ABTB2: variants seen among roughly 807,000 people sequenced by gnomAD.
ABTB2 encodes ankyrin repeat and BTB/POZ domain-containing protein 2.
Under a neutral mutation model 104.1 loss-of-function variants are expected in ABTB2, and 56 were observed. That is an observed-to-expected ratio of 0.54 (90% CI 0.43 to 0.67). The LOEUF (loss-of-function observed/expected upper bound fraction) is 0.67. ABTB2 is among the 30% of genes least tolerant of loss of function. The pLI is 0.00. For synonymous variants in ABTB2, 606 were observed against 608.2 expected, an observed-to-expected ratio of 1.00 and a Z score of 0.05; for missense variants, 1,279 against 1,407.7, an observed-to-expected ratio of 0.91 and a Z score of 1.46.
intron 10 of ABTB2, among the ~76,000 whole-genome samples, chr11:34,161,832 GGTGT>G (rs1852725014): frequency 6.6e-6 from 1 of 152,192 alleles, no homozygotes; most frequent in Admixed American, 6.5e-5. Flanking sequence ...ACAGTAGTGT[GGTGT>G]GTTAGTATCC....
At chr11:34,244,824 A>C (rs1435500671) in intron 1 of ABTB2, among the ~76,000 whole-genome samples, 2 of 152,144 alleles carry the variant, frequency 1.3e-5, no homozygotes, top group Non-Finnish European at 2.9e-5. Context: ...CTTGGGTTAC[A>C]TGGCAAAACC....
In ABTB2 at chr11:34,152,336, GGGCCCTGGCACCTCCACA is replaced by G. The variant is rs777083770; in HGVS notation, c.*33_*50del. 5.9e-6 allele frequency: 9 copies of G among 1,519,552 alleles called. No homozygotes were observed. The highest frequency in any genetic ancestry group is 8.0e-6 in the Non-Finnish European group (9 of 1,129,420). The allele number at this position is 1,519,552 out of a possible 1,614,324, so 94.1% of individuals were successfully genotyped here. A position where few individuals can be genotyped will look rare whatever the true frequency, so the allele number is the denominator to read the frequency against. On this transcript the variant is annotated 3_prime_UTR_variant, in exon 17 of 17. Transcript: ENST00000435224. ...GCCTACAACCATACCCCGACATGGT[GGGCCCTGGCACCTCCACA>G]GGCCCTGGCCTCGGCAGCCTCCGCC...
chr11:34,196,782 G>C (rs7118794), intron 3 of ABTB2, among the ~76,000 whole-genome samples: 4,912 of 152,314 alleles, frequency 0.032, 95 homozygotes, highest in Middle Eastern at 0.082. Flanking sequence ...GGAGATCAGA[G>C]AGCTGCCAGG....
At position 34,152,394 on chromosome 11, in the gene ABTB2, C is replaced by T. The variant is rs1052295344; in HGVS notation, c.3071G>A (p.Arg1024Gln). The change falls in exon 17 of 17, where the codon CGG (arginine) becomes CAG (glutamine). Residue 1024 changes from arginine to glutamine, a missense_variant. Arg to Gln is a conservative substitution (Grantham distance 43). Transcript: ENST00000435224. ...ERVHSVYITS[R>Q]V ...CAGCCTCCGCCCCCTGCCTCACACC[C>T]GGGAGGTGATGTAGACAGAGTGCAC... 14 of 1,565,624 alleles carry T rather than the reference C, an allele frequency of 8.9e-6. No homozygotes were observed. The highest frequency in any genetic ancestry group is 2.3e-5 in the South Asian group (2 of 85,204).
chr11:34,277,258 T>C (rs572716770), intron 1 of ABTB2, among the ~76,000 whole-genome samples: 1 of 152,298 alleles, frequency 6.6e-6, no homozygotes, highest in South Asian at 2.1e-4. Context: ...CCAGTTAATC[T>C]AGGGTCTCAT....
chr11:34,213,813 T>C (rs1376292632), intron 1 of ABTB2, among the ~76,000 whole-genome samples: 1 of 152,080 alleles, frequency 6.6e-6, no homozygotes, highest in Non-Finnish European at 1.5e-5. Context: ...ACCAGTGCAA[T>C]AGTCACAACA....
chr11:34,331,892 A>C (rs1030844815), intron 1 of ABTB2, among the ~76,000 whole-genome samples: 4 of 152,254 alleles, frequency 2.6e-5, no homozygotes, highest in Admixed American at 6.5e-5. Context: ...GAGTGAGCAG[A>C]AGTTATCCTT....
intron 1 of ABTB2, among the ~76,000 whole-genome samples, chr11:34,267,433 A>C (rs77118652): frequency 0.11 from 16,967 of 152,046 alleles, 1,133 homozygotes; most frequent in Admixed American, 0.21. Context: ...CCCCCATCCC[A>C]CATTTCCATC....
rs1482847036 is a variant in ABTB2 at position 34,154,385 on chromosome 11, G to C, written c.2767-7C>G. 6.2e-7 allele frequency: 1 copy of C among 1,605,132 alleles called. No homozygotes were observed. Among genetic ancestry groups the C allele is most frequent in the African/African-American group, 1.3e-5 (1 of 74,886 alleles). On this transcript the variant is annotated splice_region_variant and splice_polypyrimidine_tract_variant and intron_variant, in intron 15 of 16. Transcript: ENST00000435224. This position sits in a 1 kb window ranked among gnomAD's most constrained non-coding sequence, Gnocchi z 4.9. ...GGCTGGCAGCTGACAGCAGCTGGTAGGGAGGCAGAGCAGGTCTTGGGGACC... is the reference window on the plus strand; with the variant it reads ...GGCTGGCAGCTGACAGCAGCTGGTACGGAGGCAGAGCAGGTCTTGGGGACC...
intron 1 of ABTB2, among the ~76,000 whole-genome samples, chr11:34,295,167 G>C (rs751345949): frequency 6.6e-5 from 10 of 150,616 alleles, no homozygotes; most frequent in Admixed American, 2.0e-4. Flanking sequence ...CTGGGCAACA[G>C]AGCAAGATCC....
intron 1 of ABTB2, among the ~76,000 whole-genome samples, chr11:34,246,581 A>T (rs1405265801): frequency 3.5e-5 from 5 of 143,108 alleles, no homozygotes; most frequent in African/African-American, 1.3e-4. Flanking sequence ...AGCCTGGGCA[A>T]TAAGAGTGAA....
chr11:34,250,741 T>C (rs753081650), intron 1 of ABTB2, among the ~76,000 whole-genome samples: 35 of 152,340 alleles, frequency 2.3e-4, no homozygotes, highest in Admixed American at 7.8e-4. Context: ...CCCAAACTTC[T>C]TTCTGCGGCT....
chr11:34,158,777 A>G (rs933320928), intron 14 of ABTB2, among the ~76,000 whole-genome samples: 10 of 152,242 alleles, frequency 6.6e-5, no homozygotes, highest in African/African-American at 2.4e-4. Context: ...ATCTACAGTC[A>G]GGATGTGTGC....
chr11:34,307,063 G>A (rs778969148), intron 1 of ABTB2, among the ~76,000 whole-genome samples: 18 of 151,860 alleles, frequency 1.2e-4, no homozygotes, highest in Non-Finnish European at 2.2e-4. Context: ...TGCGTGTAGG[G>A]TACACTTCCC....
chr11:34,179,349 G>T (rs1852996576), intron 3 of ABTB2, among the ~76,000 whole-genome samples: 1 of 152,170 alleles, frequency 6.6e-6, no homozygotes, highest in South Asian at 2.1e-4. Flanking sequence ...TGGACTCCTG[G>T]CAAGAGTCCC....
intron 1 of ABTB2, among the ~76,000 whole-genome samples, chr11:34,348,109 GCCTTGTTCTT>G (rs1399841742): frequency 1.6e-4 from 25 of 152,180 alleles, no homozygotes; most frequent in Admixed American, 6.5e-5. Context: ...GTTGATAGAA[GCCTTGTTCTT>G]CAACCCCTCA....
Position 34,206,813 on chromosome 11 carries a change from G to A in ABTB2, c.884-2123C>T, listed in dbSNP as rs574667838. Among the ~76,000 whole-genome samples, 7 of 152,216 alleles carry A rather than the reference G, an allele frequency of 4.6e-5. No individual in the cohort carries two copies. In the South Asian group the frequency reaches 8.3e-4, roughly 18 times the overall value. On this transcript the variant is annotated intron_variant, in intron 1 of 16. Coordinates refer to ENST00000435224, the MANE Select transcript of ABTB2 (RefSeq NM_145804.3). The stretch of plus-strand genomic sequence containing the variant: ...TGCCCTCCTAGCTTGACCTTCCCCT[G>A]ACCCAGGCCTCCCCGCTCTCCTCCT...
intron 1 of ABTB2, among the ~76,000 whole-genome samples, chr11:34,308,487 C>T (rs906862392): frequency 1.3e-5 from 2 of 152,100 alleles, no homozygotes; most frequent in African/African-American, 2.4e-5. Flanking sequence ...GGGGTCACTC[C>T]CTGAGGGCAC....
intron 1 of ABTB2, among the ~76,000 whole-genome samples, chr11:34,300,804 G>A (rs1854695839): frequency 1.3e-5 from 2 of 152,182 alleles, no homozygotes; most frequent in African/African-American, 4.8e-5. Context: ...ACTAAGGACT[G>A]TAAATGCTTC....
Sources: gnomAD v4.1 joint callset for allele counts (sites outside exome capture counted in the v4.1 genomes callset) on GRCh38, gnomAD v4.1.1 for gene constraint, Gnocchi (gnomAD v3.1) non-coding constraint, MANE v1.5 for transcripts, NCBI Gene and HGNC (gene_info 2026-07-23, HGNC 2026-07-21) for gene names.